Variants in ABL2 observed in about 807,000 individuals in gnomAD.
ABL2 encodes ABL proto-oncogene 2, non-receptor tyrosine kinase.
A neutral mutation model predicts 107.7 loss-of-function variants in ABL2; 49 were observed. That is an observed-to-expected ratio of 0.45 (90% CI 0.36 to 0.58). The LOEUF (loss-of-function observed/expected upper bound fraction) is 0.58. Ranked by LOEUF, ABL2 falls within the 20% of genes least tolerant of loss-of-function variation. ABL2 has a pLI of 0.00. For synonymous variants in ABL2, 549 were observed against 548.6 expected, an observed-to-expected ratio of 1.00 and a Z score of -0.01; for missense variants, 1,245 against 1,457.0, an observed-to-expected ratio of 0.85 and a Z score of 2.37.
intron 10 of ABL2, among the ~76,000 whole-genome samples, chr1:179,112,090 T>A: frequency 6.6e-6 from 1 of 152,132 alleles, no homozygotes; most frequent in Non-Finnish European, 1.5e-5. Context: ...AATATTCAGC[T>A]ATATGGTTGT....
At chr1:179,116,797 A>ACTGTGCCTGGCC (rs1284681242) in intron 8 of ABL2, 1 of 157,524 alleles carries the variant, frequency 6.3e-6, no homozygotes, top group East Asian at 1.8e-4. Flanking sequence ...GGCATGAGCC[A>ACTGTGCCTGGCC]CTGTGCCTGG....
In ABL2 at chr1:179,104,037, GTTTT is replaced by G. The variant is rs1013780311; in HGVS notation, c.*3677_*3680del. 7.3e-5 allele frequency: 17 copies of G among 233,016 alleles called. No homozygotes were observed. Among genetic ancestry groups the G allele is most frequent in the Non-Finnish European group, 1.2e-4 (14 of 117,764 alleles). 14.4% of individuals were successfully genotyped at this position (233,016 alleles called of 1,614,324 possible). On this transcript the variant is annotated 3_prime_UTR_variant, in exon 12 of 12. Transcript: ENST00000502732. ...GATCTGGAGTGGGGCTATTCCGTCA[GTTTT>G]TTTTGTTTGTTTTGTTTTGTTTTTT...
intron 1 of ABL2, among the ~76,000 whole-genome samples, chr1:179,172,704 C>T (rs1659792976): frequency 6.6e-6 from 1 of 152,178 alleles, no homozygotes; most frequent in Non-Finnish European, 1.5e-5. Flanking sequence ...CAAGGAGACA[C>T]TGCTGATATT....
At chr1:179,121,409 T>C (rs578186094) in intron 5 of ABL2, among the ~76,000 whole-genome samples, 186 bp downstream of exon 5, 11 of 152,358 alleles carry the variant, frequency 7.2e-5, no homozygotes, top group African/African-American at 1.7e-4. Context: ...TTTCACTGCA[T>C]TGCAGTGAAT....
At chr1:179,198,715 A>AC (rs1661483188) in intron 1 of ABL2, among the ~76,000 whole-genome samples, 1 of 151,096 alleles carries the variant, frequency 6.6e-6, no homozygotes, top group South Asian at 2.1e-4. Flanking sequence ...AAAAAAAAAA[A>AC]ACAAAGCCAC....
intron 1 of ABL2, among the ~76,000 whole-genome samples, chr1:179,200,744 A>G (rs1450618813): frequency 1.3e-5 from 2 of 152,232 alleles, no homozygotes; most frequent in African/African-American, 4.8e-5. Context: ...CAGAAAACTC[A>G]GCACATAGTT....
chr1:179,210,176 A>G (rs73044785), intron 1 of ABL2, among the ~76,000 whole-genome samples: 2,629 of 152,272 alleles, frequency 0.017, 99 homozygotes, highest in African/African-American at 0.06. Flanking sequence ...AATATGTTAA[A>G]AGCAAATACT....
At chr1:179,148,186 G>A (rs894132166) in intron 1 of ABL2, among the ~76,000 whole-genome samples, 4 of 151,842 alleles carry the variant, frequency 2.6e-5, no homozygotes, top group Admixed American at 6.6e-5. Context: ...CCACACGTGT[G>A]TGCCATCACC....
At chr1:179,186,078 C>T (rs962073725) in intron 1 of ABL2, among the ~76,000 whole-genome samples, 6 of 151,938 alleles carry the variant, frequency 3.9e-5, no homozygotes, top group African/African-American at 1.2e-4. Flanking sequence ...AACCCTGTCC[C>T]TACTAAAAAT....
intron 1 of ABL2, among the ~76,000 whole-genome samples, chr1:179,181,510 G>C (rs1353348449): frequency 6.6e-6 from 1 of 152,090 alleles, no homozygotes; most frequent in Non-Finnish European, 1.5e-5. Flanking sequence ...CTGAGCTTCA[G>C]TTTTCTCATT....
chr1:179,226,657 T>C (rs897129506), intron 1 of ABL2, among the ~76,000 whole-genome samples: 1 of 152,178 alleles, frequency 6.6e-6, no homozygotes, highest in Non-Finnish European at 1.5e-5. Context: ...TGGCAGCAGC[T>C]ACACACATTT....
chr1:179,134,895 G>A (rs1039224366), intron 1 of ABL2, among the ~76,000 whole-genome samples: 3 of 152,228 alleles, frequency 2.0e-5, no homozygotes, highest in African/African-American at 7.2e-5. Flanking sequence ...ACGCCTGACT[G>A]GTTTTCGTAT....
rs3046363 is a variant in ABL2 at position 179,229,632 on chromosome 1, ACGCCGC to A, written c.-241_-236del. On this transcript the variant is annotated 5_prime_UTR_variant, in exon 1 of 12. Transcript: ENST00000502732. The stretch of plus-strand genomic sequence containing the variant: ...CTCCTGTCGCGGCTCCGCGCCCCCA[ACGCCGC>A]CGCCGCCGCCGCCGCCACCGCCGCC... 8.8e-4 allele frequency: 398 copies of A among 451,554 alleles called. 1 individual carries two copies. The highest frequency in any genetic ancestry group is 3.8e-3 in the East Asian group (93 of 24,730). The allele number at this position is 451,554 out of a possible 1,614,324, so 28.0% of individuals were successfully genotyped here.
intron 1 of ABL2, among the ~76,000 whole-genome samples, chr1:179,154,905 A>G (rs1053652594): frequency 1.3e-5 from 2 of 152,208 alleles, no homozygotes; most frequent in African/African-American, 4.8e-5. Context: ...TTTCCTCTGT[A>G]TTTAATCACT....
intron 1 of ABL2, among the ~76,000 whole-genome samples, chr1:179,186,619 A>C (rs1660698669): frequency 6.6e-6 from 1 of 151,208 alleles, no homozygotes; most frequent in Non-Finnish European, 1.5e-5. Context: ...GACTTCAGAC[A>C]CTGTGCCCGG....
At chr1:179,157,429 G>A (rs369725931) in intron 1 of ABL2, among the ~76,000 whole-genome samples, 3 of 152,024 alleles carry the variant, frequency 2.0e-5, no homozygotes, top group East Asian at 3.9e-4. Context: ...CCCGGGAGGC[G>A]GAGGTTGCAG....
At chr1:179,183,312 C>T (rs28914483) in intron 1 of ABL2, among the ~76,000 whole-genome samples, 2 of 152,208 alleles carry the variant, frequency 1.3e-5, no homozygotes, top group East Asian at 3.9e-4. Context: ...AAAGCTCAGA[C>T]TTCACCACGA....
intron 6 of ABL2, 149 bp from the exon 7 acceptor site, chr1:179,118,913 C>CA (rs1432797366): frequency 2.5e-6 from 2 of 813,660 alleles, no homozygotes; most frequent in African/African-American, 3.5e-5. Flanking sequence ...AATTAATAAG[C>CA]AAAAACTAAG....
At chr1:179,119,466 A>G (rs1654971159) in intron 6 of ABL2, among the ~76,000 whole-genome samples, 2 of 151,506 alleles carry the variant, frequency 1.3e-5, no homozygotes. Flanking sequence ...AGCCAGGATC[A>G]TGCCACTGCA....
Sources: allele counts gnomAD v4.1 joint callset (sites outside exome capture counted in the v4.1 genomes callset), GRCh38; gene constraint gnomAD v4.1.1; transcripts MANE v1.5; gene names NCBI Gene and HGNC (gene_info 2026-07-23, HGNC 2026-07-21).